Variants in PAPPA observed in about 807,000 individuals in gnomAD.
The protein encoded by PAPPA is pappalysin-1.
A neutral mutation model predicts 164.0 loss-of-function variants in PAPPA; 60 were observed. The ratio of observed to expected loss-of-function variants is 0.37; its 90% CI spans 0.30 to 0.45. The LOEUF is 0.45. PAPPA is among the 20% of genes least tolerant of loss of function. The pLI, the probability that PAPPA is intolerant of heterozygous loss-of-function variation, is 1.00. For missense variants in PAPPA, 1,782 were observed against 2,087.3 expected (o/e 0.85, Z 2.85); for synonymous variants, 875 against 814.1 (o/e 1.07, Z -1.27).
At position 116,271,599 on chromosome 9, in the gene PAPPA, AAAAC is replaced by A. The variant is rs575695500; in HGVS notation, c.2953+195_2953+198del. Among the ~76,000 whole-genome samples the A allele has an allele frequency of 1.5e-4, 23 of 152,334 alleles. No homozygotes were observed. In the South Asian group the frequency reaches 3.5e-3, roughly 23 times the overall value. On this transcript the variant is annotated intron_variant, in intron 9 of 21. Coordinates refer to ENST00000328252, the MANE Select transcript of PAPPA (RefSeq NM_002581.5). This position sits in a 1 kb window ranked among gnomAD's most constrained non-coding sequence, Gnocchi z 4.2. Reference sequence around the variant, plus strand: ...CAATATCGGGAAATACAGCAGTGAAAAAACAAACAAACAAAGCAATCCCTCAAGA... The same window carrying A: ...CAATATCGGGAAATACAGCAGTGAAAAAACAAACAAAGCAATCCCTCAAGA...
At chr9:116,161,027 G>A (rs1253080936) in intron 1 of PAPPA, among the ~76,000 whole-genome samples, 5 of 152,208 alleles carry the variant, frequency 3.3e-5, no homozygotes. Context: ...GGGACCAGGT[G>A]AGACAATGCC....
intron 10 of PAPPA, among the ~76,000 whole-genome samples, chr9:116,306,572 C>T (rs965616146): frequency 1.3e-5 from 2 of 152,154 alleles, no homozygotes; most frequent in Admixed American, 6.5e-5. Flanking sequence ...TTTGGCCATG[C>T]ACCTTCCTGG....
At chr9:116,182,355 G>T (rs1346427180) in intron 1 of PAPPA, among the ~76,000 whole-genome samples, 2 of 152,142 alleles carry the variant, frequency 1.3e-5, no homozygotes, top group African/African-American at 4.8e-5. Context: ...CAGATTTTGG[G>T]TTGGATGTTA....
At chr9:116,374,177 TGATGA>T (rs1846617493) in intron 19 of PAPPA, among the ~76,000 whole-genome samples, 5 of 116,342 alleles carry the variant, frequency 4.3e-5, no homozygotes, top group South Asian at 6.7e-4. Context: ...GTGTTGATGA[TGATGA>T]TGGTGGTGAT....
At chr9:116,234,206 A>T (rs959828566) in intron 6 of PAPPA, among the ~76,000 whole-genome samples, 7 of 152,106 alleles carry the variant, frequency 4.6e-5, no homozygotes, top group African/African-American at 1.7e-4. Flanking sequence ...TCTAGATGTG[A>T]TCTCAGCAGA....
At position 116,362,548 on chromosome 9, in the gene PAPPA, G is replaced by T. The variant is rs1015495624; in HGVS notation, c.4348-44G>T. On this transcript the variant is annotated intron_variant, in intron 17 of 21. Coordinates refer to ENST00000328252, the MANE Select transcript of PAPPA (RefSeq NM_002581.5). ...ATTCAGAATAGCTTATTCAATTGGG[G>T]CTGGTGTCTCTCTTGGTCCTAACTC... The T allele has an allele frequency of 1.9e-6, 3 of 1,588,364 alleles. No individual in the cohort carries two copies. In the African/African-American group the frequency reaches 4.0e-5, roughly 21 times the overall value.
At chr9:116,163,382 G>A (rs574933453) in intron 1 of PAPPA, among the ~76,000 whole-genome samples, 2 of 152,260 alleles carry the variant, frequency 1.3e-5, no homozygotes, top group African/African-American at 4.8e-5. Flanking sequence ...CTATGAGCAG[G>A]CCTGAGGCTC....
chr9:116,375,060 T>C (rs73518531), intron 19 of PAPPA, among the ~76,000 whole-genome samples: 3,827 of 152,328 alleles, frequency 0.025, 166 homozygotes, highest in African/African-American at 0.088. Context: ...AAATTGGTAC[T>C]AGGTTTACCA....
intron 1 of PAPPA, among the ~76,000 whole-genome samples, chr9:116,159,064 T>A (rs1843634788): frequency 6.6e-6 from 1 of 152,228 alleles, no homozygotes; most frequent in Admixed American, 6.5e-5. Context: ...GAAATGGATA[T>A]AAATCTCAAC....
chr9:116,392,667 G>A (rs1846909884), intron 21 of PAPPA, among the ~76,000 whole-genome samples: 1 of 152,182 alleles, frequency 6.6e-6, no homozygotes, highest in South Asian at 2.1e-4. Context: ...TAACAGAGGA[G>A]GCTCTGAACA....
intron 7 of PAPPA, among the ~76,000 whole-genome samples, chr9:116,238,223 C>T (rs1257283448): frequency 6.6e-6 from 1 of 152,174 alleles, no homozygotes; most frequent in Non-Finnish European, 1.5e-5. Flanking sequence ...TGCACTTAAA[C>T]AAGTTCTCAA....
At position 116,362,587 on chromosome 9, in the gene PAPPA, T is replaced by A. The variant is rs781637450; in HGVS notation, c.4348-5T>A. The A allele has an allele frequency of 7.4e-6, 12 of 1,612,838 alleles. No homozygotes were observed. Among genetic ancestry groups the A allele is most frequent in the Non-Finnish European group, 1.0e-5 (12 of 1,179,322 alleles). On this transcript the variant is annotated splice_region_variant and splice_polypyrimidine_tract_variant and intron_variant, in intron 17 of 21. Transcript: ENST00000328252. ...TGGTCCTAACTCTGTTTCTCTGTTG[T>A]TCAGGGACTTGGGAGCAATGTCATT...
intron 7 of PAPPA, among the ~76,000 whole-genome samples, chr9:116,236,141 T>G (rs1393793485): frequency 1.3e-5 from 2 of 152,156 alleles, no homozygotes; most frequent in African/African-American, 2.4e-5. Flanking sequence ...GGAAAGTGAA[T>G]ATCAACTTTA....
At chr9:116,346,055 A>G (rs1286456377) in intron 14 of PAPPA, among the ~76,000 whole-genome samples, 14 of 152,178 alleles carry the variant, frequency 9.2e-5, no homozygotes. Flanking sequence ...GAACTCCTGT[A>G]GAAACAATTA....
chr9:116,265,735 G>A (rs935022434), intron 7 of PAPPA, 122 bp from the exon 8 acceptor site: 3 of 718,668 alleles, frequency 4.2e-6, no homozygotes, highest in African/African-American at 3.5e-5. Context: ...ATAGCTAAAT[G>A]TGCATTTGAT....
At chr9:116,367,991 T>C (rs1846524312) in intron 19 of PAPPA, among the ~76,000 whole-genome samples, 1 of 152,180 alleles carries the variant, frequency 6.6e-6, no homozygotes, top group Non-Finnish European at 1.5e-5. Context: ...TCAGGTCCTA[T>C]GTGAAGGGCC....
intron 1 of PAPPA, among the ~76,000 whole-genome samples, chr9:116,167,860 G>T (rs1843733824): frequency 6.6e-6 from 1 of 152,182 alleles, no homozygotes; most frequent in Admixed American, 6.5e-5. Context: ...TAAAGCTGGA[G>T]TAACAGAAAC....
At chr9:116,168,267 T>C (rs757877214) in intron 1 of PAPPA, among the ~76,000 whole-genome samples, 30 of 152,204 alleles carry the variant, frequency 2.0e-4, no homozygotes, top group Non-Finnish European at 4.3e-4. Context: ...ACCCTTCTAT[T>C]TCATATGTAG....
At chr9:116,262,644 G>C (rs905201939) in intron 7 of PAPPA, among the ~76,000 whole-genome samples, 3 of 152,174 alleles carry the variant, frequency 2.0e-5, no homozygotes, top group Non-Finnish European at 4.4e-5. Context: ...ATGGGCCTCA[G>C]GAGAGCTGAA....
Sources: allele counts gnomAD v4.1 joint callset (sites outside exome capture counted in the v4.1 genomes callset), GRCh38; gene constraint gnomAD v4.1.1; non-coding constraint Gnocchi (gnomAD v3.1); transcripts MANE v1.5; gene names NCBI Gene and HGNC (gene_info 2026-07-23, HGNC 2026-07-21).